UNC13D: variants seen among roughly 807,000 people sequenced by gnomAD.
UNC13D encodes the protein protein unc-13 homolog D.
Under a neutral mutation model 151.7 loss-of-function variants are expected in UNC13D, and 115 were observed. The observed-to-expected ratio is 0.76, with a 90% CI of 0.65 to 0.88. The LOEUF (loss-of-function observed/expected upper bound fraction) is 0.88, where lower values mean the gene tolerates loss of function less well. UNC13D is among the 40% of genes least tolerant of loss of function. The probability of loss-of-function intolerance (pLI) is 0.00; values close to 1 mark genes in which losing one functional copy is unlikely to be tolerated. For missense variants in UNC13D, 1,369 were observed against 1,438.7 expected (o/e 0.95, Z 0.78); for synonymous variants, 588 against 612.2 (o/e 0.96, Z 0.58).
chr17:75,839,940 C>T lies in UNC13D; in HGVS notation c.954G>A (p.Ala318=), dbSNP rs751058445. The T allele has an allele frequency of 3.2e-5, 52 of 1,613,556 alleles. No individual in the cohort carries two copies. In the South Asian group the frequency reaches 4.3e-4, roughly 13 times the overall value. The part of the protein sequence containing the change: ...LVSHEVTQHE[A]GSTSWDGSLS... ...GCGACCCGTCCCAGGAGGTGCTTCC[C>T]GCCTGAGGGGAGCAGGTGGAGGAGT... Residue 318 remains alanine (A), a splice_region_variant and synonymous_variant, in exon 12 of 32, where the codon GCG becomes GCA. Transcript: ENST00000207549.
Position 75,839,829 on chromosome 17 carries a change from G to A in UNC13D, c.1055+10C>T, listed in dbSNP as rs1392599234. On this transcript the variant is annotated intron_variant, in intron 12 of 31. Transcript: ENST00000207549. ...TGGCTCAGGGGTTCTGCCCAGGGCT[G>A]TGTACTCACGCCATGGACTGGTGGA... 1 of 1,613,130 alleles carries A rather than the reference G, an allele frequency of 6.2e-7. No homozygotes were observed. The highest frequency in any genetic ancestry group is 8.5e-7 in the Non-Finnish European group (1 of 1,179,616).
rs771488254 is a variant in UNC13D at position 75,843,359 on chromosome 17, G to A, written c.154-93C>T. 1.7e-5 allele frequency: 26 copies of A among 1,572,622 alleles called. 1 individual carries two copies. The highest frequency in any genetic ancestry group is 5.4e-5 in the African/African-American group (4 of 74,056). On this transcript the variant is annotated intron_variant, in intron 2 of 31. Transcript: ENST00000207549. ...GCAGGACAAGGGCGGCTTGTGCAGC[G>A]GAGGGAGTTGAGACCCAGGAGTCCC...
chr17:75,836,784 T>C lies in UNC13D; in HGVS notation c.1173+17A>G, dbSNP rs2064912444. The C allele has an allele frequency of 6.2e-7, 1 of 1,613,736 alleles. No individual in the cohort carries two copies. ...TGAGCCCTGCCTGCTCAGTGCCCCT[T>C]GCCACTGCATGCCTACCTGTTCTGC... On this transcript the variant is annotated intron_variant, in intron 13 of 31. Coordinates refer to ENST00000207549, the MANE Select transcript of UNC13D (RefSeq NM_199242.3).
In UNC13D at chr17:75,840,968, A is replaced by G; in HGVS notation, c.603T>C (p.His201=). Residue 201 remains histidine (H), a synonymous_variant, in exon 7 of 32, where the codon CAT becomes CAC. Coordinates refer to ENST00000207549, the MANE Select transcript of UNC13D (RefSeq NM_199242.3). The surrounding 1 kb of genome is among the most constrained non-coding windows in gnomAD (Gnocchi z 4.6). ...EFEDITNASF[H]LDMWDLDTVE... ...GCCAGGTCACTCACCACATGTCCAGATGAAAGCTCGCATTGGTGATGTCCT... is the reference window on the plus strand; with the variant it reads ...GCCAGGTCACTCACCACATGTCCAGGTGAAAGCTCGCATTGGTGATGTCCT... 3 of 1,613,898 alleles carry G rather than the reference A, an allele frequency of 1.9e-6. No homozygotes were observed. Among genetic ancestry groups the G allele is most frequent in the Non-Finnish European group, 2.5e-6 (3 of 1,179,966 alleles).
rs200265541 is a variant in UNC13D at position 75,840,289 on chromosome 17, G to A, written c.794C>T (p.Pro265Leu). The A allele has an allele frequency of 6.2e-7, 1 of 1,613,996 alleles. No individual in the cohort carries two copies. Residue 265 changes from proline to leucine, a missense_variant, in exon 10 of 32, where the codon CCC becomes CTC. Physicochemically the swap from Pro to Leu is moderately conservative, Grantham distance 98 (BLOSUM62 -3). Around this residue, in one of 3 missense-constraint regions of UNC13D, gnomAD observed 550 missense variants for 609.0 expected, o/e 0.90. Transcript: ENST00000207549. This position sits in a 1 kb window ranked among gnomAD's most constrained non-coding sequence, Gnocchi z 4.6. ...TCGGTCTGGGTAGGTCTCAGTGCGG[G>A]GTTCCAGGGGGTACCACTGGTCCTC... ...CREDQWYPLE[P>L]RTETYPDRGQ...
rs767415788 is a variant in UNC13D, at chr17:75,834,129, G to A, written c.2313C>T (p.Ile771=). 4.3e-6 allele frequency: 7 copies of A among 1,613,790 alleles called. No homozygotes were observed. Among genetic ancestry groups the A allele is most frequent in the South Asian group, 1.1e-5 (1 of 91,082 alleles). ...CCACCAGTTTCTGGATGTGCTTGGC[G>A]ATGCCCACCTCCAACTGGAGACACA... ...RTLAEQLEVG[I]AKHIQKLVGV... Residue 771 remains isoleucine, a synonymous_variant, in exon 24 of 32, where the codon ATC becomes ATT. Coordinates refer to ENST00000207549, the MANE Select transcript of UNC13D (RefSeq NM_199242.3).
At position 75,839,819 on chromosome 17, in the gene UNC13D, G is replaced by A; in HGVS notation, c.1055+20C>T. Reference sequence around the variant, plus strand: ...GGGGGGCTGGTGGCTCAGGGGTTCTGCCCAGGGCTGTGTACTCACGCCATG... The same window carrying A: ...GGGGGGCTGGTGGCTCAGGGGTTCTACCCAGGGCTGTGTACTCACGCCATG... On this transcript the variant is annotated intron_variant, in intron 12 of 31. Coordinates refer to ENST00000207549, the MANE Select transcript of UNC13D (RefSeq NM_199242.3). 6.2e-7 allele frequency: 1 copy of A among 1,612,612 alleles called. No homozygotes were observed. The highest frequency in any genetic ancestry group is 2.2e-5 in the East Asian group (1 of 44,872).
rs143190205 is a variant in UNC13D, at chr17:75,835,451, G to A, written c.1806C>T (p.Asn602=). 1.2e-5 allele frequency: 20 copies of A among 1,613,022 alleles called. No individual in the cohort carries two copies. Among genetic ancestry groups the A allele is most frequent in the Middle Eastern group, 1.7e-4 (1 of 6,034 alleles). The stretch of plus-strand genomic sequence containing the variant: ...CGCGCTGCACCCGCGCCAGGGCCTC[G>A]TTGTACGTCTTCTGCAGCCAGGAGG... ...AIPSWLQKTY[N]EALARVQRAV... is the part of the protein sequence containing the mutation. Residue 602 remains asparagine (N), a synonymous_variant, in exon 20 of 32, where the codon AAC becomes AAT. Transcript: ENST00000207549.
rs930596937 is a variant in UNC13D at position 75,843,266 on chromosome 17, G to A, written c.154C>T (p.Arg52Trp). Residue 52 changes from arginine (R) to tryptophan (W), a missense_variant and splice_region_variant, in exon 3 of 32, where the codon CGG (arginine) becomes TGG (tryptophan). Coordinates refer to ENST00000207549, the MANE Select transcript of UNC13D (RefSeq NM_199242.3). ...PPSHHFSPEQ[R>W]ALLYEDALYT... Reference sequence around the variant, plus strand: ...AGTGCGTCCTCGTAGAGCAGGGCCCGCTAAGACACACGGGGTCACCTTGGG... The same window carrying A: ...AGTGCGTCCTCGTAGAGCAGGGCCCACTAAGACACACGGGGTCACCTTGGG... The A allele has an allele frequency of 1.4e-5, 23 of 1,606,010 alleles. No individual in the cohort carries two copies. The highest frequency in any genetic ancestry group is 2.7e-5 in the African/African-American group (2 of 74,856).
intron 25 of UNC13D, 35 bp from the exon 26 acceptor site, chr17:75,831,383 G>C: frequency 6.3e-7 from 1 of 1,581,244 alleles, no homozygotes; most frequent in African/African-American, 1.3e-5. Context: ...GACACAGCAC[G>C]GCAGGGCGGT....
rs530190306 is a variant in UNC13D, at chr17:75,840,099, C to T, written c.870G>A (p.Ser290=). The T allele has an allele frequency of 4.3e-6, 7 of 1,612,696 alleles. No individual in the cohort carries two copies. Among genetic ancestry groups the T allele is most frequent in the South Asian group, 3.3e-5 (3 of 90,992 alleles). The change falls in exon 11 of 32, where the codon TCG becomes TCA. Residue 290 remains serine, a synonymous_variant. Coordinates refer to ENST00000207549, the MANE Select transcript of UNC13D (RefSeq NM_199242.3). The surrounding 1 kb of genome is among the most constrained non-coding windows in gnomAD (Gnocchi z 4.6). The part of the protein sequence containing the change: ...FQLIHKRRAT[S]ASRSQPSYTV... ...TGTAGCTCGGCTGCGAGCGGCTGGC[C>T]GAAGTGGCTCTCTGCAATGAGGCCT...
rs1046140432 is a variant in UNC13D at position 75,840,467 on chromosome 17, C to G, written c.753+40G>C. 3 of 1,613,442 alleles carry G rather than the reference C, an allele frequency of 1.9e-6. No individual in the cohort carries two copies. Among genetic ancestry groups the G allele is most frequent in the East Asian group, 4.5e-5 (2 of 44,876 alleles). On this transcript the variant is annotated intron_variant, in intron 9 of 31. Coordinates refer to ENST00000207549, the MANE Select transcript of UNC13D (RefSeq NM_199242.3). This position sits in a 1 kb window ranked among gnomAD's most constrained non-coding sequence, Gnocchi z 4.6. ...CCCAGAACCCCTCCCAACCCCCTCC[C>G]TCTGCCTCGCTCCTGGGCCCCTTTC...
chr17:75,834,930 T>C lies in UNC13D; in HGVS notation c.1982A>G (p.Lys661Arg). Residue 661 changes from lysine to arginine, a missense_variant, in exon 21 of 32, where the codon AAG (lysine) becomes AGG (arginine). By Grantham distance (26) the Lys-to-Arg change is conservative. Transcript: ENST00000207549. ...DPEEAFMITVKFVEDTCRLAL... is the reference protein window; with the variant it reads ...DPEEAFMITVRFVEDTCRLAL... ...TGGAAGATGCCGCACCTCCACAAAC[T>C]TGACGGTAATCATGAAGGCCTCCTC... 1.9e-6 allele frequency: 3 copies of C among 1,614,050 alleles called. No individual in the cohort carries two copies. Among genetic ancestry groups the C allele is most frequent in the African/African-American group, 1.3e-5 (1 of 75,012 alleles).
intron 1 of UNC13D, 28 bp downstream of exon 1, chr17:75,844,193 G>A (rs758584283): frequency 2.5e-6 from 4 of 1,607,556 alleles, no homozygotes; most frequent in Non-Finnish European, 2.5e-6. Flanking sequence ...CCCAAGGCCA[G>A]CTCTCTCCCC....
At position 75,840,101 on chromosome 17, in the gene UNC13D, A is replaced by G. The variant is rs748173055; in HGVS notation, c.868T>C (p.Ser290Pro). Reference protein sequence around the residue: ...FQLIHKRRATSASRSQPSYTV... With the variant: ...FQLIHKRRATPASRSQPSYTV... ...TAGCTCGGCTGCGAGCGGCTGGCCG[A>G]AGTGGCTCTCTGCAATGAGGCCTCT... Residue 290 changes from serine (S) to proline (P), a missense_variant, in exon 11 of 32, where the codon TCG becomes CCG. Around this residue, in one of 3 missense-constraint regions of UNC13D, gnomAD observed 550 missense variants for 609.0 expected, o/e 0.90. Transcript: ENST00000207549. This position sits in a 1 kb window ranked among gnomAD's most constrained non-coding sequence, Gnocchi z 4.6. 4.3e-6 allele frequency: 7 copies of G among 1,612,674 alleles called. No individual in the cohort carries two copies. Among genetic ancestry groups the G allele is most frequent in the Non-Finnish European group, 5.9e-6 (7 of 1,179,808 alleles).
Position 75,834,364 on chromosome 17 carries a change from G to T in UNC13D, c.2259C>A (p.Gly753=), listed in dbSNP as rs1354115593. The stretch of plus-strand genomic sequence containing the variant: ...TGCGGACGCCAGTGCGGATCTCATG[G>T]CCCAGCCCGGCCAGCGCGCTCTGCA... The part of the protein sequence containing the change: ...AQLQSALAGL[G]HEIRTGVRTL... The change falls in exon 23 of 32, where the codon GGC becomes GGA. Residue 753 remains glycine, a synonymous_variant. Transcript: ENST00000207549. The T allele has an allele frequency of 1.3e-6, 2 of 1,594,186 alleles. No individual in the cohort carries two copies. The highest frequency in any genetic ancestry group is 1.1e-5 in the South Asian group (1 of 90,306).
At chr17:75,841,075 G>A (rs2064945418) in intron 6 of UNC13D, 74 bp from the exon 7 acceptor site, 1 of 1,553,188 alleles carries the variant, frequency 6.4e-7, no homozygotes, top group African/African-American at 1.4e-5. Context: ...AGTGACCACA[G>A]CCCAGAGCCA....
intron 25 of UNC13D, chr17:75,831,689 G>A (rs542576259): frequency 9.9e-4 from 356 of 358,754 alleles, no homozygotes; most frequent in East Asian, 6.4e-3. Flanking sequence ...CAGGCCGGGC[G>A]TGGTGGCTCA....
At chr17:75,841,288 G>GCA (rs1344601597) in intron 6 of UNC13D, 1 of 405,638 alleles carries the variant, frequency 2.5e-6, no homozygotes. Context: ...GGGATTACAG[G>GCA]TGCCCGCCAC....
Sources: allele counts gnomAD v4.1 joint callset, GRCh38; gene constraint gnomAD v4.1.1; regional missense constraint gnomAD v4.1.1; non-coding constraint Gnocchi (gnomAD v3.1); transcripts MANE v1.5; gene names NCBI Gene and HGNC (gene_info 2026-07-23, HGNC 2026-07-21).